The following JAKMIP3 variants were observed in gnomAD, a reference collection of about 807,000 sequenced individuals.
JAKMIP3 encodes Janus kinase and microtubule interacting protein 3.
A neutral mutation model predicts 118.5 loss-of-function variants in JAKMIP3; 58 were observed. That is an observed-to-expected ratio of 0.49 (90% CI 0.40 to 0.61). The LOEUF (loss-of-function observed/expected upper bound fraction) is 0.61, where lower values mean the gene tolerates loss of function less well. JAKMIP3 is among the 20% of genes least tolerant of loss of function. The pLI is 0.00. For missense variants in JAKMIP3, 950 were observed against 1,109.0 expected, an observed-to-expected ratio of 0.86 and a Z score of 2.04; for synonymous variants, 486 against 451.2, an observed-to-expected ratio of 1.08 and a Z score of -0.98.
Position 132,104,831 on chromosome 10 carries a change from G to C in JAKMIP3, c.23G>C (p.Ser8Thr), listed in dbSNP as rs2045653817. ...ACCATGTCCAAGAGGGGCATGAGCA[G>C]CCGGGCCAAGGGGGACAAGGCAGAG... MSKRGMS[S>T]RAKGDKAEAL... The change falls in exon 2 of 24, where the codon AGC (serine) becomes ACC (threonine). Residue 8 changes from serine (S) to threonine (T), a missense_variant. Coordinates refer to ENST00000684848, the MANE Select transcript of JAKMIP3 (RefSeq NM_001323087.2). The C allele has an allele frequency of 6.4e-7, 1 of 1,552,854 alleles. No homozygotes were observed. Among genetic ancestry groups the C allele is most frequent in the Non-Finnish European group, 8.7e-7 (1 of 1,148,120 alleles).
In JAKMIP3 at chr10:132,168,422, T is replaced by C. The variant is rs1376764748; in HGVS notation, c.*492T>C. The C allele has an allele frequency of 7.8e-7, 1 of 1,287,304 alleles. No individual in the cohort carries two copies. The highest frequency in any genetic ancestry group is 1.0e-6 in the Non-Finnish European group (1 of 987,128). 79.7% of individuals were successfully genotyped at this position (1,287,304 alleles called of 1,614,324 possible). A position where few individuals can be genotyped will look rare whatever the true frequency, so the allele number is the denominator to read the frequency against. ...CAAGATGAAAGCTGGACGGTGACCT[T>C]CATTCAGGGGAACCTGGAGGCTCCC... is the stretch of plus-strand genomic sequence containing the variant. On this transcript the variant is annotated 3_prime_UTR_variant, in exon 23 of 24. Coordinates refer to ENST00000684848, the MANE Select transcript of JAKMIP3 (RefSeq NM_001323087.2).
chr10:132,093,900 C>G (rs1222454611), intron 1 of JAKMIP3, among the ~76,000 whole-genome samples: 2 of 150,798 alleles, frequency 1.3e-5, no homozygotes, highest in African/African-American at 4.9e-5. Flanking sequence ...TTTGATTTCA[C>G]TGAGTATTTC....
intron 1 of JAKMIP3, among the ~76,000 whole-genome samples, chr10:132,068,486 C>T (rs1237820535): frequency 6.7e-6 from 1 of 149,792 alleles, no homozygotes; most frequent in East Asian, 1.9e-4. Context: ...ATCTCTTGGG[C>T]AAGTGTTTCT....
At chr10:132,152,768 G>A (rs186034947) in intron 16 of JAKMIP3, among the ~76,000 whole-genome samples, 190 bp from the exon 17 acceptor site, 82 of 152,274 alleles carry the variant, frequency 5.4e-4, no homozygotes, top group African/African-American at 1.9e-3. Context: ...GCACCCGGAG[G>A]GAACAAGCTC....
At chr10:132,037,672 C>G (rs528568496) in intron 1 of JAKMIP3, among the ~76,000 whole-genome samples, 4 of 152,320 alleles carry the variant, frequency 2.6e-5, no homozygotes, top group Admixed American at 2.6e-4. Context: ...AAGGGCAAGT[C>G]GGGCTGCTCT....
intron 23 of JAKMIP3, among the ~76,000 whole-genome samples, chr10:132,180,852 CTGTG>C (rs140454878): frequency 0.027 from 4,081 of 150,548 alleles, 80 homozygotes; most frequent in South Asian, 0.047. Flanking sequence ...CATGTGTGTG[CTGTG>C]TGTGAGTGGT....
At chr10:132,075,102 A>G (rs1333118845) in intron 1 of JAKMIP3, among the ~76,000 whole-genome samples, 3 of 152,230 alleles carry the variant, frequency 2.0e-5, no homozygotes, top group Non-Finnish European at 4.4e-5. Context: ...ATTTGAAATC[A>G]GGTAATATGA....
intron 23 of JAKMIP3, among the ~76,000 whole-genome samples, chr10:132,180,628 TGTGTGCGTGC>T (rs1237211097): frequency 9.2e-5 from 3 of 32,724 alleles, no homozygotes; most frequent in African/African-American, 1.6e-4. Context: ...TGTGTGTGCG[TGTGTGCGTGC>T]GTGTGTGCGT....
intron 19 of JAKMIP3, among the ~76,000 whole-genome samples, chr10:132,161,789 G>A (rs2058367436): frequency 1.9e-5 from 2 of 103,066 alleles, no homozygotes; most frequent in Non-Finnish European, 3.8e-5. Context: ...TGATGCTGGG[G>A]GGTGTCTCTC....
Position 132,097,455 on chromosome 10 carries a change from G to A in JAKMIP3, c.-137-7217G>A, listed in dbSNP as rs557630814. Among the ~76,000 whole-genome samples, 7 of 151,026 alleles carry A rather than the reference G, an allele frequency of 4.6e-5. No homozygotes were observed. The South Asian group carries it at 1.1e-3, about 23-fold the overall frequency. The stretch of plus-strand genomic sequence containing the variant: ...GCATCACACGGACTCTCGGGAGGTC[G>A]CCTACTGTATGACTTCATTTCTATA... On this transcript the variant is annotated intron_variant, in intron 1 of 23. Transcript: ENST00000684848.
chr10:132,125,853 TATTA>T (rs1351677278), intron 3 of JAKMIP3, among the ~76,000 whole-genome samples: 2 of 152,240 alleles, frequency 1.3e-5, no homozygotes, highest in African/African-American at 2.4e-5. Context: ...TAAATTCACT[TATTA>T]ATTCTAACAG....
chr10:132,140,493 T>G lies in JAKMIP3; in HGVS notation c.1387T>G (p.Ser463Ala). 6.2e-7 allele frequency: 1 copy of G among 1,613,894 alleles called. No homozygotes were observed. The highest frequency in any genetic ancestry group is 8.5e-7 in the Non-Finnish European group (1 of 1,179,866). ...CTTCTTTGGATACGACGAAGAGGCT[T>G]CCCTGGAATCCGACGGCTCCTCCGT... ...ETFFGYDEEA[S>A]LESDGSSVSY... Residue 463 changes from serine (S) to alanine (A), a missense_variant, in exon 10 of 24, where the codon TCC becomes GCC. By Grantham distance (99) the Ser-to-Ala change is moderately conservative. Transcript: ENST00000684848.
intron 1 of JAKMIP3, among the ~76,000 whole-genome samples, chr10:132,098,922 C>G (rs11146167): frequency 0.61 from 93,140 of 152,048 alleles, 28,786 homozygotes; most frequent in East Asian, 0.71. Context: ...CTTACACTCA[C>G]CTGGGTTTGG....
chr10:132,123,065 C>T (rs1459673828), intron 3 of JAKMIP3, among the ~76,000 whole-genome samples: 1 of 152,220 alleles, frequency 6.6e-6, no homozygotes, highest in African/African-American at 2.4e-5. Context: ...CTCTGTGCTC[C>T]TGGAGAAGCT....
At chr10:132,151,451 G>GTA (rs1343866229) in intron 16 of JAKMIP3, among the ~76,000 whole-genome samples, 1 of 152,100 alleles carries the variant, frequency 6.6e-6, no homozygotes, top group Non-Finnish European at 1.5e-5. Context: ...CAGCAGGGAG[G>GTA]CTCTGGGTGT....
At chr10:132,133,888 T>A (rs554250239) in intron 4 of JAKMIP3, among the ~76,000 whole-genome samples, 1 of 152,256 alleles carries the variant, frequency 6.6e-6, no homozygotes, top group African/African-American at 2.4e-5. Flanking sequence ...GCTGCCACCA[T>A]CTCCAAGCAC....
chr10:132,074,258 G>A (rs755079207), intron 1 of JAKMIP3, among the ~76,000 whole-genome samples: 3 of 151,818 alleles, frequency 2.0e-5, no homozygotes, highest in Non-Finnish European at 4.4e-5. Flanking sequence ...TACTATGTTG[G>A]TCAGGCTGGT....
rs116603201 is a variant in JAKMIP3 at position 132,141,843 on chromosome 10, C to T, written c.1474-77C>T. ...TGATATCTGGGGAGAAGGGAAGCCC[C>T]GGGGCCCCGCCATCGGAGGAGGTGC... is the stretch of plus-strand genomic sequence containing the variant. On this transcript the variant is annotated intron_variant, in intron 10 of 23. Coordinates refer to ENST00000684848, the MANE Select transcript of JAKMIP3 (RefSeq NM_001323087.2). The T allele has an allele frequency of 1.2e-3, 1,751 of 1,515,524 alleles. 21 individuals carry two copies. In the African/African-American group the frequency reaches 0.021, roughly 18 times the overall value. The allele number at this position is 1,515,524 out of a possible 1,614,324, so 93.9% of individuals were successfully genotyped here. A position where few individuals can be genotyped will look rare whatever the true frequency, so the allele number is the denominator to read the frequency against.
chr10:132,166,820 G>A (rs1402651274), intron 21 of JAKMIP3, among the ~76,000 whole-genome samples, 163 bp from the exon 22 acceptor site: 1 of 152,170 alleles, frequency 6.6e-6, no homozygotes, highest in East Asian at 1.9e-4. Flanking sequence ...CCGGGGATTT[G>A]GGCAGCATCC....
Sources: gnomAD v4.1 joint callset for allele counts (sites outside exome capture counted in the v4.1 genomes callset) on GRCh38, gnomAD v4.1.1 for gene constraint, MANE v1.5 for transcripts, NCBI Gene and HGNC (gene_info 2026-07-23, HGNC 2026-07-21) for gene names.